The following THAP12 variants were observed in gnomAD, a reference collection of about 807,000 sequenced individuals.
THAP12 encodes the protein 52 kDa repressor of the inhibitor of the protein kinase.
Under a neutral mutation model 63.0 loss-of-function variants are expected in THAP12, and 20 were observed. The ratio of observed to expected loss-of-function variants is 0.32; its 90% CI spans 0.22 to 0.46. The LOEUF (loss-of-function observed/expected upper bound fraction) is 0.46. Among genes scored for constraint, THAP12 ranks in the 20% least tolerant of loss-of-function variants. The pLI, the probability that THAP12 is intolerant of heterozygous loss-of-function variation, is 1.00. For synonymous variants in THAP12, 264 were observed against 328.4 expected (o/e 0.80, Z 2.12); for missense variants, 568 against 908.2 (o/e 0.63, Z 4.81).
chr11:76,367,625 G>T (rs1386985981), intron 1 of THAP12, among the ~76,000 whole-genome samples: 1 of 150,932 alleles, frequency 6.6e-6, no homozygotes. Flanking sequence ...GTTTCAGCAC[G>T]TTGGCTAGCT....
chr11:76,379,582 T>G (rs1946735778), intron 1 of THAP12, among the ~76,000 whole-genome samples: 1 of 152,158 alleles, frequency 6.6e-6, no homozygotes, highest in South Asian at 2.1e-4. Context: ...GCTGGCCCCT[T>G]CACCTGGTCT....
intron 1 of THAP12, among the ~76,000 whole-genome samples, chr11:76,378,236 T>C (rs965428815): frequency 6.6e-6 from 1 of 152,064 alleles, no homozygotes; most frequent in Non-Finnish European, 1.5e-5. Context: ...CTGGCCAACA[T>C]GGCGAAACCC....
chr11:76,351,502 T>C lies in THAP12; in HGVS notation c.1648A>G (p.Met550Val). The change falls in exon 5 of 5, where the codon ATG becomes GTG. Residue 550 changes from methionine (M) to valine (V), a missense_variant. Coordinates refer to ENST00000260045, the MANE Select transcript of THAP12 (RefSeq NM_004705.4). ...TNLATKLDIQ[M>V]KLPGKFRRAH... ...CTGCGGAATTTCCCAGGGAGTTTCA[T>C]TTGAATATCAAGTTTGGTTGCCAAA... is the stretch of plus-strand genomic sequence containing the variant. 6.4e-7 allele frequency: 1 copy of C among 1,556,116 alleles called. No individual in the cohort carries two copies. The highest frequency in any genetic ancestry group is 8.7e-7 in the Non-Finnish European group (1 of 1,151,184).
At chr11:76,355,485 G>C (rs1946555051) in intron 4 of THAP12, 133 bp downstream of exon 4, 3 of 784,046 alleles carry the variant, frequency 3.8e-6, no homozygotes, top group Non-Finnish European at 5.7e-6. Flanking sequence ...CCAAAACACA[G>C]GACAAAATTG....
chr11:76,380,115 G>C (rs1436215088), intron 1 of THAP12, among the ~76,000 whole-genome samples: 1 of 152,118 alleles, frequency 6.6e-6, no homozygotes, highest in African/African-American at 2.4e-5. Flanking sequence ...AGTGTGTGGG[G>C]GTTATCCGAA....
chr11:76,375,194 C>T (rs1250215720), intron 1 of THAP12, among the ~76,000 whole-genome samples: 1 of 152,180 alleles, frequency 6.6e-6, no homozygotes, highest in Admixed American at 6.5e-5. Flanking sequence ...TGGAAGCCCT[C>T]ACCCATCTTG....
At chr11:76,355,145 C>A (rs1238716312) in intron 4 of THAP12, among the ~76,000 whole-genome samples, 1 of 152,234 alleles carries the variant, frequency 6.6e-6, no homozygotes, top group African/African-American at 2.4e-5. Flanking sequence ...TAGCCCTCGT[C>A]CTTTGGTGAC....
rs149267218 is a variant in THAP12, at chr11:76,379,618, G to C, written c.89+1130C>G. ...TTGCTCAAATTCACCTTCTTAGTGA[G>C]GCCTTCTCTAATCACTGTATTTAAA... On this transcript the variant is annotated intron_variant, in intron 1 of 4. Transcript: ENST00000260045. Among the ~76,000 whole-genome samples, 316 of 152,238 alleles carry C rather than the reference G, an allele frequency of 2.1e-3. 2 individuals are homozygous for C. The highest frequency in any genetic ancestry group is 7.4e-3 in the African/African-American group (307 of 41,516).
intron 1 of THAP12, 114 bp from the exon 2 acceptor site, chr11:76,366,086 G>T: frequency 8.2e-7 from 1 of 1,212,514 alleles, no homozygotes; most frequent in Non-Finnish European, 1.1e-6. Flanking sequence ...CCCTCCCTGA[G>T]AACATAATTT....
chr11:76,379,778 CTTCATGAAAGCAAGGACTTCGATTTG>C (rs1320595901), intron 1 of THAP12, among the ~76,000 whole-genome samples: 1 of 152,080 alleles, frequency 6.6e-6, no homozygotes, highest in Non-Finnish European at 1.5e-5. Flanking sequence ...AGAATGTAAT[CTTCATGAAAGCAAGGACTTCGATTTG>C]TTCATCTGTA....
chr11:76,363,518 A>C (rs1282914497), intron 2 of THAP12, among the ~76,000 whole-genome samples: 1 of 152,248 alleles, frequency 6.6e-6, no homozygotes, highest in African/African-American at 2.4e-5. Context: ...TACTGATGAG[A>C]TCTTCAATGC....
At chr11:76,366,676 G>A (rs932466508) in intron 1 of THAP12, among the ~76,000 whole-genome samples, 1 of 149,600 alleles carries the variant, frequency 6.7e-6, no homozygotes, top group Non-Finnish European at 1.5e-5. Flanking sequence ...GCCAGACTCC[G>A]TCTCGGAAAA....
chr11:76,380,407 C>G lies in THAP12; in HGVS notation c.89+341G>C, dbSNP rs77019124. 2.9e-3 allele frequency among the ~76,000 whole-genome samples: 436 copies of G among 152,330 alleles called. 2 individuals are homozygous for G. The highest frequency in any genetic ancestry group is 0.01 in the African/African-American group (427 of 41,578). ...TTTGACAGCTAAGGAAACTAACGCC[C>G]AGAGAGGAAAGCGACTCCCCCGAGG... On this transcript the variant is annotated intron_variant, in intron 1 of 4. Transcript: ENST00000260045.
chr11:76,355,381 G>T lies in THAP12; in HGVS notation c.355+237C>A, dbSNP rs111927654. On this transcript the variant is annotated intron_variant, in intron 4 of 4. Transcript: ENST00000260045. ...CCCCTACCACACTGAGAGAGGAGGC[G>T]TCACCTCCATGAGGCCTGCATATAG... Among the ~76,000 whole-genome samples, 900 of 152,322 alleles carry T rather than the reference G, an allele frequency of 5.9e-3. 6 individuals are homozygous for T. The highest frequency in any genetic ancestry group is 0.019 in the African/African-American group (771 of 41,572).
At chr11:76,360,718 G>GCACACC (rs1264106685) in intron 3 of THAP12, among the ~76,000 whole-genome samples, 4 of 152,284 alleles carry the variant, frequency 2.6e-5, no homozygotes, top group Middle Eastern at 6.8e-3. Context: ...GTAATTAACA[G>GCACACC]CACACTCTGG....
intron 2 of THAP12, among the ~76,000 whole-genome samples, chr11:76,364,112 A>C (rs1946616281): frequency 6.6e-6 from 1 of 152,274 alleles, no homozygotes; most frequent in Non-Finnish European, 1.5e-5. Context: ...TTATCTAATT[A>C]AGAGACCATA....
At chr11:76,380,246 T>C (rs1186046181) in intron 1 of THAP12, among the ~76,000 whole-genome samples, 1 of 140,684 alleles carries the variant, frequency 7.1e-6, no homozygotes, top group East Asian at 2.3e-4. Flanking sequence ...AACCGTGCAA[T>C]GACAAGTCCG....
In THAP12 at chr11:76,352,793, A is replaced by C. The variant is rs1946536774; in HGVS notation, c.357T>G (p.Ile119Met). 6.6e-7 allele frequency: 1 copy of C among 1,508,222 alleles called. No homozygotes were observed. The highest frequency in any genetic ancestry group is 2.4e-5 in the Admixed American group (1 of 41,770). The allele number at this position is 1,508,222 out of a possible 1,614,324, so 93.4% of individuals were successfully genotyped here. A position where few individuals can be genotyped will look rare whatever the true frequency, so the allele number is the denominator to read the frequency against. The change falls in exon 5 of 5, where the codon ATT becomes ATG. Residue 119 changes from isoleucine to methionine, a missense_variant and splice_region_variant. Coordinates refer to ENST00000260045, the MANE Select transcript of THAP12 (RefSeq NM_004705.4). ...TTTGTTCCTGCTCAGAAGTTTCATCAACTGGAAAACAAAGAATTAATTTTA... is the reference window on the plus strand; with the variant it reads ...TTTGTTCCTGCTCAGAAGTTTCATCCACTGGAAAACAAAGAATTAATTTTA... The part of the protein sequence containing the change: ...DEIRTLKQKK[I>M]DETSEQEQKH...
At chr11:76,375,201 C>T (rs1377267959) in intron 1 of THAP12, among the ~76,000 whole-genome samples, 1 of 152,306 alleles carries the variant, frequency 6.6e-6, no homozygotes, top group East Asian at 1.9e-4. Context: ...CCTCACCCAT[C>T]TTGGGTGAGT....
Sources: gnomAD v4.1 joint callset for allele counts (sites outside exome capture counted in the v4.1 genomes callset) on GRCh38, gnomAD v4.1.1 for gene constraint, MANE v1.5 for transcripts, NCBI Gene and HGNC (gene_info 2026-07-23, HGNC 2026-07-21) for gene names.